The following ZNF385D variants were observed in gnomAD, a reference collection of about 807,000 sequenced individuals.
The protein encoded by ZNF385D is zinc finger protein 385D.
In ZNF385D, 15 loss-of-function variants were observed where a neutral mutation model predicts 35.8. The ratio of observed to expected loss-of-function variants is 0.42; its 90% CI spans 0.28 to 0.64. The LOEUF (loss-of-function observed/expected upper bound fraction) is 0.64, where lower values mean the gene tolerates loss of function less well. Among genes scored for constraint, ZNF385D ranks in the 30% least tolerant of loss-of-function variants. The pLI, the probability that ZNF385D is intolerant of heterozygous loss-of-function variation, is 0.23. For synonymous variants in ZNF385D, 212 were observed against 186.8 expected, an observed-to-expected ratio of 1.13 and a Z score of -1.10; for missense variants, 474 against 494.6, an observed-to-expected ratio of 0.96 and a Z score of 0.39.
At chr3:22,050,087 T>TG (rs1196822428) in intron 3 of ZNF385D, among the ~76,000 whole-genome samples, 2 of 151,976 alleles carry the variant, frequency 1.3e-5, no homozygotes, top group African/African-American at 4.8e-5. Flanking sequence ...GTTTTGGGGC[T>TG]GGGTGCAGTG....
intron 3 of ZNF385D, among the ~76,000 whole-genome samples, chr3:21,940,556 T>C (rs1701467641): frequency 6.6e-6 from 1 of 152,304 alleles, no homozygotes; most frequent in East Asian, 1.9e-4. Context: ...CTTGCTGAAG[T>C]GCAGCAATGA....
chr3:21,785,346 TTCA>T (rs934294234), intron 3 of ZNF385D, among the ~76,000 whole-genome samples: 1 of 152,198 alleles, frequency 6.6e-6, no homozygotes, highest in African/African-American at 2.4e-5. Flanking sequence ...TATTCACATA[TTCA>T]TCATTTCCTA....
At chr3:22,101,498 G>A (rs912814006) in intron 3 of ZNF385D, among the ~76,000 whole-genome samples, 2 of 151,998 alleles carry the variant, frequency 1.3e-5, no homozygotes, top group Non-Finnish European at 2.9e-5. Flanking sequence ...CAGATGTAAG[G>A]TTTAAACGTT....
At chr3:22,372,153 C>T (rs2125237491) in intron 2 of ZNF385D, among the ~76,000 whole-genome samples, 1 of 152,168 alleles carries the variant, frequency 6.6e-6, no homozygotes, top group South Asian at 2.1e-4. Context: ...CCCCTTGGTT[C>T]TCGGCAATGA....
chr3:21,863,010 A>T (rs80236456), intron 3 of ZNF385D, among the ~76,000 whole-genome samples: 2,320 of 152,272 alleles, frequency 0.015, 37 homozygotes, highest in East Asian at 0.072. Context: ...GTGTACAAAT[A>T]TGTGAAAATA....
chr3:22,110,557 A>C (rs2125643578), intron 3 of ZNF385D, among the ~76,000 whole-genome samples: 1 of 151,482 alleles, frequency 6.6e-6, no homozygotes, highest in Non-Finnish European at 1.5e-5. Flanking sequence ...CAAACACCGC[A>C]TGTTCTCACT....
At chr3:22,305,613 C>G (rs1346977020) in intron 2 of ZNF385D, among the ~76,000 whole-genome samples, 2 of 152,106 alleles carry the variant, frequency 1.3e-5, no homozygotes, top group Non-Finnish European at 2.9e-5. Context: ...AATGACCACA[C>G]CAACTCTTAA....
chr3:22,127,244 C>T (rs1429846585), intron 3 of ZNF385D, among the ~76,000 whole-genome samples: 1 of 145,232 alleles, frequency 6.9e-6, no homozygotes, highest in East Asian at 2.1e-4. Context: ...GTGGTTTTCA[C>T]TTTCTTCCTT....
intron 3 of ZNF385D, among the ~76,000 whole-genome samples, chr3:22,079,379 ATAAT>A (rs532834536): frequency 2.3e-3 from 349 of 152,086 alleles, no homozygotes; most frequent in African/African-American, 8.1e-3. Flanking sequence ...CATTAATTAT[ATAAT>A]TAATATAAAA....
intron 3 of ZNF385D, among the ~76,000 whole-genome samples, chr3:21,544,945 G>A (rs1384906639): frequency 2.0e-5 from 3 of 152,168 alleles, no homozygotes; most frequent in Non-Finnish European, 2.9e-5. Flanking sequence ...AGGATTATTT[G>A]ACGTGTTCAC....
chr3:21,832,291 G>A (rs2670247), intron 3 of ZNF385D, among the ~76,000 whole-genome samples: 135,879 of 152,270 alleles, frequency 0.89, 60,872 homozygotes, highest in African/African-American at 0.96. Context: ...CAGAAAATAA[G>A]CACATCTCTA....
At chr3:21,676,222 C>A (rs1047201524) in intron 1 of ZNF385D, among the ~76,000 whole-genome samples, 4 of 152,060 alleles carry the variant, frequency 2.6e-5, no homozygotes, top group African/African-American at 9.7e-5. Flanking sequence ...ACTGTGAGTT[C>A]TTGGATTCCA....
At chr3:22,123,309 T>C (rs933669441) in intron 3 of ZNF385D, among the ~76,000 whole-genome samples, 2 of 152,156 alleles carry the variant, frequency 1.3e-5, no homozygotes, top group Admixed American at 6.5e-5. Context: ...ATTTGAGATA[T>C]TTATTTATAT....
intron 3 of ZNF385D, among the ~76,000 whole-genome samples, chr3:21,529,733 T>C (rs2061877714): frequency 6.6e-6 from 1 of 152,208 alleles, no homozygotes; most frequent in Non-Finnish European, 1.5e-5. Flanking sequence ...CATTAGTCAT[T>C]AAGTCTTATT....
intron 2 of ZNF385D, among the ~76,000 whole-genome samples, chr3:22,215,201 G>A (rs999442826): frequency 3.6e-4 from 54 of 151,956 alleles, no homozygotes; most frequent in African/African-American, 9.4e-4. Context: ...CAAATTGTTC[G>A]TACAGCATGC....
chr3:21,859,096 G>T (rs982430097), intron 3 of ZNF385D, among the ~76,000 whole-genome samples: 1 of 151,984 alleles, frequency 6.6e-6, no homozygotes. Context: ...TTTGAGGAAG[G>T]GATTCTTTCA....
At chr3:21,727,242 C>T (rs2068804186) in intron 1 of ZNF385D, among the ~76,000 whole-genome samples, 2 of 152,108 alleles carry the variant, frequency 1.3e-5, no homozygotes, top group South Asian at 4.1e-4. Context: ...CTAGGCAATA[C>T]CATTCAGGAC....
intron 3 of ZNF385D, among the ~76,000 whole-genome samples, chr3:22,091,430 A>T (rs999507746): frequency 1.4e-4 from 22 of 152,156 alleles, no homozygotes; most frequent in African/African-American, 5.3e-4. Context: ...ATAGCACATA[A>T]TCATCAAGAA....
intron 3 of ZNF385D, among the ~76,000 whole-genome samples, chr3:21,763,061 T>C (rs374934555): frequency 6.6e-6 from 1 of 152,136 alleles, no homozygotes; most frequent in African/African-American, 2.4e-5. Flanking sequence ...CCCAAGTACC[T>C]GTAAACAAAT....
Sources: allele counts gnomAD v4.1 joint callset (sites outside exome capture counted in the v4.1 genomes callset), GRCh38; gene constraint gnomAD v4.1.1; transcripts MANE v1.5; gene names NCBI Gene and HGNC (gene_info 2026-07-23, HGNC 2026-07-21).